CAMKMT: variants seen among roughly 807,000 people sequenced by gnomAD.
The protein encoded by CAMKMT is calmodulin-lysine N-methyltransferase, also known as CaM KMT.
Under a neutral mutation model 48.0 loss-of-function variants are expected in CAMKMT, and 53 were observed. The ratio of observed to expected loss-of-function variants is 1.10; its 90% CI spans 0.89 to 1.39. CAMKMT has a LOEUF of 1.39. Ranked by LOEUF, CAMKMT falls within the 40% of genes most tolerant of loss-of-function variation. CAMKMT has a pLI of 0.00. For synonymous variants in CAMKMT, 165 were observed against 152.3 expected, an observed-to-expected ratio of 1.08 and a Z score of -0.61; for missense variants, 428 against 402.7, an observed-to-expected ratio of 1.06 and a Z score of -0.54.
chr2:44,593,780 T>TTTTTTG (rs1670466407), intron 3 of CAMKMT, among the ~76,000 whole-genome samples: 1 of 149,968 alleles, frequency 6.7e-6, no homozygotes, highest in African/African-American at 2.5e-5. Flanking sequence ...TTTTTTTTTT[T>TTTTTTG]GAGGCGGAAT....
At chr2:44,402,740 G>GTTTTTTTTTTTTTTTTTTTTTTCT in intron 3 of CAMKMT, among the ~76,000 whole-genome samples, 1 of 94,106 alleles carries the variant, frequency 1.1e-5, no homozygotes, top group African/African-American at 4.1e-5. Context: ...TTGTTTTGCT[G>GTTTTTTTTTTTTTTTTTTTTTTCT]TTTTTTTTTT....
intron 3 of CAMKMT, chr2:44,400,740 T>C (rs1682290797): frequency 6.6e-6 from 1 of 151,714 alleles, no homozygotes; most frequent in African/African-American, 2.4e-5. Context: ...GAATAAAAAA[T>C]AAGCTAACAC....
chr2:44,647,484 T>A (rs563486020), intron 3 of CAMKMT, among the ~76,000 whole-genome samples: 2 of 152,294 alleles, frequency 1.3e-5, no homozygotes, highest in African/African-American at 4.8e-5. Flanking sequence ...GTTATTTACA[T>A]AGCAATTTGT....
intron 3 of CAMKMT, among the ~76,000 whole-genome samples, chr2:44,654,726 A>G (rs996003817): frequency 6.6e-6 from 1 of 152,090 alleles, no homozygotes; most frequent in African/African-American, 2.4e-5. Context: ...TGTTGGCCAG[A>G]TTGGTCTCAA....
At chr2:44,673,848 C>A (rs910451584) in intron 3 of CAMKMT, among the ~76,000 whole-genome samples, 3 of 152,152 alleles carry the variant, frequency 2.0e-5, no homozygotes, top group African/African-American at 7.2e-5. Flanking sequence ...TTAAATACTT[C>A]TTCAGGGTGG....
At chr2:44,692,725 G>C (rs932957700) in intron 3 of CAMKMT, among the ~76,000 whole-genome samples, 4 of 152,194 alleles carry the variant, frequency 2.6e-5, no homozygotes, top group Non-Finnish European at 5.9e-5. Flanking sequence ...GCTTTCTGCT[G>C]TAGCTTTTTA....
chr2:44,628,101 C>T (rs114299363), intron 3 of CAMKMT, among the ~76,000 whole-genome samples: 3,366 of 152,094 alleles, frequency 0.022, 129 homozygotes, highest in African/African-American at 0.078. Flanking sequence ...CACATTCCAC[C>T]GTGCATGGCT....
At chr2:44,649,156 A>T (rs1673918387) in intron 3 of CAMKMT, among the ~76,000 whole-genome samples, 1 of 152,012 alleles carries the variant, frequency 6.6e-6, no homozygotes, top group Non-Finnish European at 1.5e-5. Context: ...CCCTTCAGTG[A>T]GGGGGGGAAA....
chr2:44,582,996 T>C (rs1026821970), intron 3 of CAMKMT, among the ~76,000 whole-genome samples: 1 of 152,160 alleles, frequency 6.6e-6, no homozygotes, highest in African/African-American at 2.4e-5. Flanking sequence ...ATGATCTTTT[T>C]TGGAAATTCG....
At chr2:44,716,164 A>G (rs1426421895) in intron 7 of CAMKMT, among the ~76,000 whole-genome samples, 2 of 152,106 alleles carry the variant, frequency 1.3e-5, no homozygotes, top group South Asian at 2.1e-4. Flanking sequence ...TGTTAAATTA[A>G]TTGTTTTCTT....
intron 3 of CAMKMT, among the ~76,000 whole-genome samples, chr2:44,522,787 G>C (rs1671186836): frequency 6.6e-6 from 1 of 152,106 alleles, no homozygotes; most frequent in South Asian, 2.1e-4. Context: ...TCTAAATTTT[G>C]TTTGAGAATG....
At chr2:44,460,275 G>T (rs1000743685) in intron 3 of CAMKMT, among the ~76,000 whole-genome samples, 1 of 152,088 alleles carries the variant, frequency 6.6e-6, no homozygotes, top group Admixed American at 6.5e-5. Context: ...TCATAAAAAT[G>T]TAAATAACTT....
chr2:44,548,652 G>A (rs1426912470), intron 3 of CAMKMT, among the ~76,000 whole-genome samples: 1 of 152,190 alleles, frequency 6.6e-6, no homozygotes, highest in Admixed American at 6.5e-5. Flanking sequence ...GGGTCTAGAG[G>A]TCAGAGACGG....
chr2:44,387,704 G>A (rs569206608), intron 2 of CAMKMT, among the ~76,000 whole-genome samples: 16 of 151,300 alleles, frequency 1.1e-4, no homozygotes, highest in Non-Finnish European at 2.1e-4. Flanking sequence ...CTTTTTAGCA[G>A]TTCTTGTGGT....
At chr2:44,452,879 G>C (rs1010091246) in intron 3 of CAMKMT, among the ~76,000 whole-genome samples, 2 of 151,990 alleles carry the variant, frequency 1.3e-5, no homozygotes, top group Non-Finnish European at 2.9e-5. Context: ...GGATGCCTTT[G>C]GGGTTGTGAT....
Position 44,519,779 on chromosome 2 carries a change from G to A in CAMKMT, c.376+129474G>A, listed in dbSNP as rs1319223435. The stretch of plus-strand genomic sequence containing the variant: ...CATTTGGTCCCAACAACCCAGTGAG[G>A]TAGTTGTATTATCTTAATTTTGTAC... On this transcript the variant is annotated intron_variant, in intron 3 of 10. Transcript: ENST00000378494. 2.0e-5 allele frequency among the ~76,000 whole-genome samples: 3 copies of A among 152,160 alleles called. No homozygotes were observed. In the East Asian group the frequency reaches 5.8e-4, roughly 29 times the overall value.
rs570586177 is a variant in CAMKMT, at chr2:44,429,259, A to G, written c.376+38954A>G. 4.2e-4 allele frequency among the ~76,000 whole-genome samples: 55 copies of G among 131,996 alleles called. 1 individual carries two copies. In the South Asian group the frequency reaches 6.2e-3, roughly 15 times the overall value. The allele number at this position is 131,996 out of a possible 152,430, so 86.6% of individuals were successfully genotyped here. A position where few individuals can be genotyped will look rare whatever the true frequency, so the allele number is the denominator to read the frequency against. ...TGGTGACTCAGGAGGTTTTATATATATGTGTGTGTGTGTGTGTATGTGTGT... is the reference window on the plus strand; with the variant it reads ...TGGTGACTCAGGAGGTTTTATATATGTGTGTGTGTGTGTGTGTATGTGTGT... On this transcript the variant is annotated intron_variant, in intron 3 of 10. Coordinates refer to ENST00000378494, the MANE Select transcript of CAMKMT (RefSeq NM_024766.5).
intron 3 of CAMKMT, among the ~76,000 whole-genome samples, chr2:44,545,110 AT>A (rs931570215): frequency 1.3e-5 from 2 of 152,222 alleles, no homozygotes; most frequent in Non-Finnish European, 2.9e-5. Flanking sequence ...AATAAACAGA[AT>A]TAGAACTTAG....
intron 1 of CAMKMT, among the ~76,000 whole-genome samples, chr2:44,371,289 T>G (rs1223833414): frequency 2.0e-5 from 3 of 152,092 alleles, no homozygotes; most frequent in Non-Finnish European, 4.4e-5. Context: ...CCCAGCCTAT[T>G]TTTATTTTTT....
Sources: gnomAD v4.1 joint callset for allele counts (sites outside exome capture counted in the v4.1 genomes callset) on GRCh38, gnomAD v4.1.1 for gene constraint, MANE v1.5 for transcripts, NCBI Gene and HGNC (gene_info 2026-07-23, HGNC 2026-07-21) for gene names.